The following GABPB2 variants were observed in gnomAD, a reference collection of about 807,000 sequenced individuals.
GABPB2 encodes GA binding protein transcription factor subunit beta 2.
A neutral mutation model predicts 39.1 loss-of-function variants in GABPB2; 23 were observed. The ratio of observed to expected loss-of-function variants is 0.59; its 90% CI spans 0.42 to 0.83. GABPB2 has a LOEUF of 0.83. GABPB2 is among the 40% of genes least tolerant of loss of function. GABPB2 has a pLI of 0.00. For missense variants in GABPB2, 467 were observed against 541.1 expected, an observed-to-expected ratio of 0.86 and a Z score of 1.36; for synonymous variants, 184 against 199.3, an observed-to-expected ratio of 0.92 and a Z score of 0.65.
At chr1:151,078,430 A>G (rs1328648942) in intron 1 of GABPB2, among the ~76,000 whole-genome samples, 1 of 151,706 alleles carries the variant, frequency 6.6e-6, no homozygotes, top group East Asian at 2.0e-4. Flanking sequence ...TGCTTCTACT[A>G]AAAATCCAAA....
In GABPB2 at chr1:151,090,355, A is replaced by G. The variant is rs587695767; in HGVS notation, c.109-51A>G. 128 of 1,537,158 alleles carry G rather than the reference A, an allele frequency of 8.3e-5. 1 individual carries two copies. In the South Asian group the frequency reaches 1.3e-3, roughly 16 times the overall value. Reference sequence around the variant, plus strand: ...GTTCATTTGTATCTCTCCAGTAACGATCTAGGACTCTGCACACAGTGGATA... The same window carrying G: ...GTTCATTTGTATCTCTCCAGTAACGGTCTAGGACTCTGCACACAGTGGATA... On this transcript the variant is annotated intron_variant, in intron 2 of 8. Transcript: ENST00000368918.
chr1:151,078,437 CA>C (rs1677374704), intron 1 of GABPB2, among the ~76,000 whole-genome samples: 1 of 150,382 alleles, frequency 6.6e-6, no homozygotes, highest in South Asian at 2.1e-4. Context: ...ACTAAAAATC[CA>C]AAAAATTAGC....
At chr1:151,086,306 T>C (rs891707100) in intron 1 of GABPB2, among the ~76,000 whole-genome samples, 3 of 152,022 alleles carry the variant, frequency 2.0e-5, no homozygotes, top group Non-Finnish European at 4.4e-5. Flanking sequence ...TATAAACACA[T>C]ATATTCAGGT....
At chr1:151,075,758 A>C (rs897880990) in intron 1 of GABPB2, among the ~76,000 whole-genome samples, 2 of 151,776 alleles carry the variant, frequency 1.3e-5, no homozygotes, top group Admixed American at 1.3e-4. Context: ...CAAAACAAAA[A>C]AAGAATGCCT....
chr1:151,071,537 G>A (rs1476037287), intron 1 of GABPB2, among the ~76,000 whole-genome samples: 2 of 136,270 alleles, frequency 1.5e-5, no homozygotes, highest in African/African-American at 5.5e-5. Context: ...ACTGCAACCT[G>A]CAGCTCACTG....
chr1:151,079,301 G>T (rs1036619138), intron 1 of GABPB2, among the ~76,000 whole-genome samples: 1 of 152,028 alleles, frequency 6.6e-6, no homozygotes, highest in Non-Finnish European at 1.5e-5. Context: ...AGCACTTTGG[G>T]AGGCTGAGGC....
At chr1:151,085,131 C>T (rs1044656887) in intron 1 of GABPB2, among the ~76,000 whole-genome samples, 2 of 151,374 alleles carry the variant, frequency 1.3e-5, no homozygotes, top group African/African-American at 4.9e-5. Flanking sequence ...GGCGCGGTGG[C>T]TCACACCTGT....
chr1:151,093,187 G>A lies in GABPB2; in HGVS notation c.277-5G>A. ...TTTGTTGAAAAAAATGCTTTTCTGTGACAGAATGGTGCAGATGTGAATGCC... is the reference window on the plus strand; with the variant it reads ...TTTGTTGAAAAAAATGCTTTTCTGTAACAGAATGGTGCAGATGTGAATGCC... On this transcript the variant is annotated splice_polypyrimidine_tract_variant and splice_region_variant and intron_variant, in intron 3 of 8. Transcript: ENST00000368918. 1 of 1,538,542 alleles carries A rather than the reference G, an allele frequency of 6.5e-7. No homozygotes were observed. Among genetic ancestry groups the A allele is most frequent in the South Asian group, 1.2e-5 (1 of 80,770 alleles).
intron 4 of GABPB2, among the ~76,000 whole-genome samples, chr1:151,094,064 T>C (rs1273873881): frequency 6.9e-6 from 1 of 145,476 alleles, no homozygotes; most frequent in East Asian, 2.0e-4. Context: ...TTTTTTTTTT[T>C]TTTTTGAGGC....
chr1:151,102,394 T>C (rs1027120791), intron 5 of GABPB2, among the ~76,000 whole-genome samples: 1 of 152,228 alleles, frequency 6.6e-6, no homozygotes, highest in Non-Finnish European at 1.5e-5. Context: ...GCGTTTTTAG[T>C]GTTAATCTAT....
chr1:151,097,535 A>G (rs1056680282), intron 4 of GABPB2, among the ~76,000 whole-genome samples: 2 of 152,158 alleles, frequency 1.3e-5, no homozygotes, highest in East Asian at 3.9e-4. Context: ...TAATCCTACC[A>G]CTTTAGGAGG....
intron 1 of GABPB2, among the ~76,000 whole-genome samples, chr1:151,075,951 C>T (rs772448140): frequency 6.6e-6 from 1 of 151,992 alleles, no homozygotes; most frequent in African/African-American, 2.4e-5. Context: ...TGAATAGGGG[C>T]GATGATATTC....
intron 7 of GABPB2, among the ~76,000 whole-genome samples, chr1:151,110,922 C>G (rs1268146698): frequency 1.3e-5 from 2 of 152,182 alleles, no homozygotes; most frequent in African/African-American, 4.8e-5. Context: ...TAAAGAAATA[C>G]AAACCAATTT....
chr1:151,103,251 A>C (rs1322305849), intron 5 of GABPB2, among the ~76,000 whole-genome samples: 1 of 151,062 alleles, frequency 6.6e-6, no homozygotes, highest in Non-Finnish European at 1.5e-5. Flanking sequence ...GGGTTTCACC[A>C]TGTTAGCCAG....
At position 151,093,373 on chromosome 1, in the gene GABPB2, T is replaced by C. The variant is rs1678868022; in HGVS notation, c.458T>C (p.Leu153Ser). 1.3e-6 allele frequency: 2 copies of C among 1,599,768 alleles called. No individual in the cohort carries two copies. The highest frequency in any genetic ancestry group is 1.1e-5 in the South Asian group (1 of 88,778). The change falls in exon 4 of 9, where the codon TTG becomes TCG. Residue 153 changes from leucine to serine, a missense_variant. Physicochemically the swap from Leu to Ser is moderately radical, Grantham distance 145. Coordinates refer to ENST00000368918, the MANE Select transcript of GABPB2 (RefSeq NM_144618.3). The stretch of plus-strand genomic sequence containing the variant: ...CTGGAGAAAAACAATGCTGAGATTT[T>C]GGTCATCCTCCAGGTGTGGTTCTTT... ...IALEKNNAEI[L>S]VILQEAMQNQ...
At chr1:151,113,740 A>G (rs1018002944) in intron 7 of GABPB2, among the ~76,000 whole-genome samples, 1 of 151,984 alleles carries the variant, frequency 6.6e-6, no homozygotes, top group Non-Finnish European at 1.5e-5. Context: ...CTGGTCTCGA[A>G]CTCCTGACCT....
At chr1:151,080,357 CA>C (rs1677564647) in intron 1 of GABPB2, among the ~76,000 whole-genome samples, 1 of 146,760 alleles carries the variant, frequency 6.8e-6, no homozygotes, top group Non-Finnish European at 1.5e-5. Context: ...ACTAAAAATA[CA>C]ATATTAGCTG....
At position 151,090,311 on chromosome 1, in the gene GABPB2, A is replaced by G. The variant is rs1429145681; in HGVS notation, c.109-95A>G. ...TCTGCCCAACCAGATTCTCTCTTGA[A>G]GGACAAGAACCATAGCTTGTTCATT... On this transcript the variant is annotated intron_variant, in intron 2 of 8. Transcript: ENST00000368918. 8 of 1,173,112 alleles carry G rather than the reference A, an allele frequency of 6.8e-6. No homozygotes were observed. The Admixed American group carries it at 7.8e-5, about 11-fold the overall frequency. 72.7% of individuals were successfully genotyped at this position (1,173,112 alleles called of 1,614,324 possible).
At chr1:151,099,638 A>G (rs1679369035) in intron 5 of GABPB2, among the ~76,000 whole-genome samples, 1 of 152,314 alleles carries the variant, frequency 6.6e-6, no homozygotes, top group East Asian at 1.9e-4. Context: ...TTAAGTTTCT[A>G]TAATGTCAAA....
Sources: gnomAD v4.1 joint callset for allele counts (sites outside exome capture counted in the v4.1 genomes callset) on GRCh38, gnomAD v4.1.1 for gene constraint, MANE v1.5 for transcripts, NCBI Gene and HGNC (gene_info 2026-07-23, HGNC 2026-07-21) for gene names.